FERRY3: variants seen among roughly 807,000 people sequenced by gnomAD.
FERRY3 encodes the protein FERRY endosomal RAB5 effector complex subunit 3.
chr12:4,534,900 TATTTC>T, the FERRY3 span, among the ~76,000 whole-genome samples: 679 of 152,340 alleles, frequency 4.5e-3, 1 homozygote, highest in Non-Finnish European at 6.9e-3. Context: ...TTAAGCCTGA[TATTTC>T]AGTTTGAAGC....
At chr12:4,536,302 C>T in the FERRY3 span, 1 of 745,028 alleles carries the variant, frequency 1.3e-6, no homozygotes, top group Non-Finnish European at 1.9e-6. Flanking sequence ...AACATTCCAC[C>T]ATTCAAGAGA....
chr12:4,529,622 T>G, the FERRY3 span, among the ~76,000 whole-genome samples: 1 of 152,124 alleles, frequency 6.6e-6, no homozygotes, highest in African/African-American at 2.4e-5. Context: ...TTCCTCTTAT[T>G]AGAGATAAGA....
the FERRY3 span, among the ~76,000 whole-genome samples, chr12:4,494,128 G>A: frequency 2.2e-4 from 34 of 151,980 alleles, no homozygotes; most frequent in East Asian, 6.0e-3. Context: ...CTACCGCTAC[G>A]GAGCAATGCT....
At chr12:4,492,271 T>C in the FERRY3 span, among the ~76,000 whole-genome samples, 1 of 152,156 alleles carries the variant, frequency 6.6e-6, no homozygotes, top group African/African-American at 2.4e-5. Flanking sequence ...TTTCTGCAAA[T>C]CTCATTAAGG....
chr12:4,497,394 G>A, the FERRY3 span, among the ~76,000 whole-genome samples: 3 of 152,166 alleles, frequency 2.0e-5, no homozygotes, highest in Non-Finnish European at 4.4e-5. Context: ...GCTGCTGGGT[G>A]CTGGTCATGT....
chr12:4,536,398 T>TA, the FERRY3 span, among the ~76,000 whole-genome samples: 1,933 of 136,592 alleles, frequency 0.014, 40 homozygotes, highest in African/African-American at 0.042. Context: ...AGTGCTTCTT[T>TA]AAAAAAAAAA....
the FERRY3 span, among the ~76,000 whole-genome samples, chr12:4,506,494 C>T: frequency 1.3e-5 from 2 of 152,092 alleles, no homozygotes; most frequent in Admixed American, 6.5e-5. Context: ...AATGAATTAT[C>T]GTTTCTAATA....
chr12:4,527,648 A>T, the FERRY3 span, among the ~76,000 whole-genome samples: 11,869 of 152,192 alleles, frequency 0.078, 639 homozygotes, highest in Non-Finnish European at 0.12. Flanking sequence ...GACACTAGTG[A>T]ATTTCAACTT....
At chr12:4,499,437 C>T in the FERRY3 span, among the ~76,000 whole-genome samples, 3 of 152,292 alleles carry the variant, frequency 2.0e-5, no homozygotes, top group Admixed American at 2.0e-4. Flanking sequence ...TTTCTCCAGA[C>T]TATGTAAAGC....
At chr12:4,489,977 T>C in the FERRY3 span, 1 of 962,352 alleles carries the variant, frequency 1.0e-6, no homozygotes, top group Non-Finnish European at 1.6e-6. Flanking sequence ...TATTTTAAAA[T>C]ATGGACCTAG....
chr12:4,536,323 G>C, the FERRY3 span: 1 of 577,302 alleles, frequency 1.7e-6, no homozygotes, highest in Non-Finnish European at 2.7e-6. Flanking sequence ...TTTTGTCTAT[G>C]AGCCAATTAT....
the FERRY3 span, chr12:4,518,691 C>G: frequency 1.1e-6 from 1 of 876,934 alleles, no homozygotes; most frequent in African/African-American, 1.8e-5. Context: ...AACCTTTTCT[C>G]TATTATTTTA....
At chr12:4,517,153 T>C in the FERRY3 span, 1 of 1,584,528 alleles carries the variant, frequency 6.3e-7, no homozygotes, top group Non-Finnish European at 8.6e-7. Context: ...TCGGGGGAAA[T>C]GGAAGTCAGT....
the FERRY3 span, chr12:4,525,456 T>C: frequency 2.5e-6 from 4 of 1,600,622 alleles, no homozygotes; most frequent in Non-Finnish European, 2.6e-6. Flanking sequence ...TGCAACTGCA[T>C]ACCTAAAAGT....
the FERRY3 span, chr12:4,518,071 A>C: frequency 6.2e-7 from 1 of 1,607,718 alleles, no homozygotes; most frequent in African/African-American, 1.3e-5. Flanking sequence ...TTTTAATACC[A>C]CTATATGAAT....
chr12:4,533,296 C>G, the FERRY3 span, among the ~76,000 whole-genome samples: 1 of 152,162 alleles, frequency 6.6e-6, no homozygotes, highest in African/African-American at 2.4e-5. Context: ...AACAAACAAA[C>G]AAACCTCTGA....
At chr12:4,516,624 A>G in the FERRY3 span, among the ~76,000 whole-genome samples, 1 of 152,200 alleles carries the variant, frequency 6.6e-6, no homozygotes, top group South Asian at 2.1e-4. Flanking sequence ...AAGACCAAAC[A>G]CCACATGCTC....
At chr12:4,519,483 C>T in the FERRY3 span, among the ~76,000 whole-genome samples, 5,560 of 152,260 alleles carry the variant, frequency 0.037, 335 homozygotes, top group African/African-American at 0.12. This position sits in a 1 kb window ranked among gnomAD's most constrained non-coding sequence, Gnocchi z 4.3. Flanking sequence ...ACCGTATCAC[C>T]GTTCAATTCC....
chr12:4,534,325 C>T, the FERRY3 span: 36 of 1,570,072 alleles, frequency 2.3e-5, 1 homozygote, highest in South Asian at 3.4e-4. Context: ...CATCAAACAC[C>T]ATCGTCAGCA....
Sources: allele counts gnomAD v4.1 joint callset (sites outside exome capture counted in the v4.1 genomes callset), GRCh38; gene constraint gnomAD v4.1.1; non-coding constraint Gnocchi (gnomAD v3.1); transcripts MANE v1.5; gene names NCBI Gene and HGNC (gene_info 2026-07-23, HGNC 2026-07-21).